The following RBMS1 variants were observed in gnomAD, a reference collection of about 807,000 sequenced individuals.
RBMS1 encodes RNA binding motif single stranded interacting protein 1.
In RBMS1, 17 loss-of-function variants were observed where a neutral mutation model predicts 62.3. That is an observed-to-expected ratio of 0.27 (90% CI 0.19 to 0.41). The LOEUF is 0.41. Ranked by LOEUF, RBMS1 falls within the 10% of genes least tolerant of loss-of-function variation. The probability of loss-of-function intolerance (pLI) is 1.00; values close to 1 mark genes in which losing one functional copy is unlikely to be tolerated. For synonymous variants in RBMS1, 172 were observed against 170.0 expected (o/e 1.01, Z -0.09); for missense variants, 334 against 504.5 (o/e 0.66, Z 3.24).
chr2:160,490,595 G>GT (rs1306556669), intron 1 of RBMS1, among the ~76,000 whole-genome samples: 1 of 152,104 alleles, frequency 6.6e-6, no homozygotes, highest in Non-Finnish European at 1.5e-5. Context: ...TAACTAGTAT[G>GT]TTTTTATGGG....
chr2:160,471,689 G>GTATATATATATATATATA (rs1553532524), intron 1 of RBMS1, among the ~76,000 whole-genome samples: 9 of 23,836 alleles, frequency 3.8e-4, no homozygotes, highest in African/African-American at 1.4e-3. Context: ...AAATCCTTTG[G>GTATATATATATATATATA]TGTATATATA....
chr2:160,395,117 T>C (rs1391745297), intron 1 of RBMS1, among the ~76,000 whole-genome samples: 2 of 152,214 alleles, frequency 1.3e-5, no homozygotes, highest in African/African-American at 4.8e-5. Flanking sequence ...GTCAGACAAA[T>C]ATCTCCACTG....
intron 1 of RBMS1, among the ~76,000 whole-genome samples, chr2:160,436,888 T>C (rs974829081): frequency 5.3e-5 from 8 of 152,322 alleles, no homozygotes; most frequent in East Asian, 1.9e-4. Context: ...TGGAAAAGCA[T>C]AGCCTCCATT....
At chr2:160,467,706 C>A (rs182843576) in intron 1 of RBMS1, among the ~76,000 whole-genome samples, 7 of 152,164 alleles carry the variant, frequency 4.6e-5, no homozygotes, top group Admixed American at 3.9e-4. Context: ...TAGGATACAC[C>A]ATTAGTCTAT....
chr2:160,402,403 T>A (rs918480643), intron 1 of RBMS1, among the ~76,000 whole-genome samples: 7 of 152,202 alleles, frequency 4.6e-5, no homozygotes, highest in Admixed American at 6.5e-5. Flanking sequence ...TGATTTTTTT[T>A]ATAATGAGTT....
rs985611981 is a variant in RBMS1, at chr2:160,350,851, T to A, written c.251+16365A>T. 5.9e-4 allele frequency among the ~76,000 whole-genome samples: 90 copies of A among 152,282 alleles called. 1 individual carries two copies. The highest frequency in any genetic ancestry group is 2.6e-4 in the Non-Finnish European group (18 of 68,010). ...GTCTTTATAGCAGCATGATTTAGAA[T>A]CCTTTGGGTATATACCCAGTAATGG... On this transcript the variant is annotated intron_variant, in intron 2 of 13. Coordinates refer to ENST00000348849, the MANE Select transcript of RBMS1 (RefSeq NM_016836.4).
intron 4 of RBMS1, 24 bp downstream of exon 4, chr2:160,313,132 A>T (rs1690022707): frequency 6.3e-7 from 1 of 1,597,464 alleles, no homozygotes; most frequent in Non-Finnish European, 8.6e-7. Context: ...GGAACAGAGA[A>T]GCAATTGCTG....
chr2:160,383,459 G>GGC (rs1386778473), intron 1 of RBMS1, among the ~76,000 whole-genome samples: 2 of 149,958 alleles, frequency 1.3e-5, no homozygotes, highest in African/African-American at 4.9e-5. Context: ...GAATTGGGGG[G>GGC]GGGGGAACTG....
intron 1 of RBMS1, among the ~76,000 whole-genome samples, chr2:160,426,299 AAG>A (rs1559537537): frequency 3.6e-3 from 107 of 29,390 alleles, no homozygotes; most frequent in Non-Finnish European, 6.5e-3. Flanking sequence ...GAAAAGAAAG[AAG>A]GAAGGAAGGA....
intron 4 of RBMS1, among the ~76,000 whole-genome samples, chr2:160,306,073 G>C (rs769345376): frequency 1.3e-5 from 2 of 152,110 alleles, no homozygotes; most frequent in African/African-American, 4.8e-5. Flanking sequence ...AGGTTGTAAT[G>C]AGTTGTGATC....
chr2:160,397,901 C>G (rs1203623280), intron 1 of RBMS1, among the ~76,000 whole-genome samples: 2 of 152,194 alleles, frequency 1.3e-5, no homozygotes, highest in African/African-American at 4.8e-5. Context: ...CTTCTTTCCT[C>G]CTACTTTGCC....
intron 1 of RBMS1, among the ~76,000 whole-genome samples, chr2:160,418,174 A>C (rs535665294): frequency 6.6e-6 from 1 of 152,358 alleles, no homozygotes; most frequent in African/African-American, 2.4e-5. Context: ...TGTCAGTTGC[A>C]AACATACCTT....
chr2:160,479,680 G>C (rs1685285900), intron 1 of RBMS1, among the ~76,000 whole-genome samples: 1 of 152,066 alleles, frequency 6.6e-6, no homozygotes, highest in Admixed American at 6.5e-5. Flanking sequence ...TGCCTCCCTA[G>C]AGCTCTGCTT....
In RBMS1 at chr2:160,440,567, C is replaced by T. The variant is rs139011413; in HGVS notation, c.75+52722G>A. The stretch of plus-strand genomic sequence containing the variant: ...GCAAAGCCTGTCCCCATCTCTCCCC[C>T]ACCCTCACCAAAATCTAGTCACTCT... On this transcript the variant is annotated intron_variant, in intron 1 of 13. Coordinates refer to ENST00000348849, the MANE Select transcript of RBMS1 (RefSeq NM_016836.4). 1.6e-3 allele frequency among the ~76,000 whole-genome samples: 238 copies of T among 152,298 alleles called. 2 individuals carry two copies. Among genetic ancestry groups the T allele is most frequent in the African/African-American group, 5.3e-3 (222 of 41,560 alleles).
At chr2:160,425,442 G>C (rs889472458) in intron 1 of RBMS1, among the ~76,000 whole-genome samples, 20 of 152,124 alleles carry the variant, frequency 1.3e-4, no homozygotes, top group African/African-American at 4.8e-4. Context: ...TATTCATTCA[G>C]TCAGTGTTTA....
At chr2:160,357,607 T>C (rs1181953337) in intron 2 of RBMS1, among the ~76,000 whole-genome samples, 1 of 152,148 alleles carries the variant, frequency 6.6e-6, no homozygotes, top group Admixed American at 6.6e-5. Context: ...GCAGTTATGC[T>C]TAATACTGCA....
intron 1 of RBMS1, among the ~76,000 whole-genome samples, chr2:160,396,520 CCT>C (rs1488690438): frequency 1.3e-5 from 2 of 149,788 alleles, no homozygotes; most frequent in Non-Finnish European, 3.0e-5. Context: ...GCCTGTTTCA[CCT>C]CTCTCTCCCA....
intron 2 of RBMS1, among the ~76,000 whole-genome samples, chr2:160,320,866 C>T (rs569875064): frequency 7.9e-5 from 12 of 152,190 alleles, no homozygotes; most frequent in Admixed American, 3.9e-4. Context: ...AGGACTCTCT[C>T]GTGTGTACAA....
intron 1 of RBMS1, among the ~76,000 whole-genome samples, chr2:160,441,560 TA>T (rs1176734753): frequency 4.6e-5 from 7 of 152,246 alleles, no homozygotes; most frequent in African/African-American, 1.7e-4. Context: ...TGCATCTCTA[TA>T]AAAAATTTAA....
Sources: allele counts gnomAD v4.1 joint callset (sites outside exome capture counted in the v4.1 genomes callset), GRCh38; gene constraint gnomAD v4.1.1; transcripts MANE v1.5; gene names NCBI Gene and HGNC (gene_info 2026-07-23, HGNC 2026-07-21).